Variants in LINGO2 observed in about 807,000 individuals in gnomAD.
The protein encoded by LINGO2 is leucine rich repeat and Ig domain containing 2.
LINGO2 carries 14 observed loss-of-function variants against 30.6 expected under a neutral mutation model. That is an observed-to-expected ratio of 0.46 (90% CI 0.30 to 0.72). The LOEUF is 0.72. Among genes scored for constraint, LINGO2 ranks in the 30% least tolerant of loss-of-function variants. LINGO2 has a pLI of 0.07. For synonymous variants in LINGO2, 317 were observed against 288.5 expected (o/e 1.10, Z -1.00); for missense variants, 729 against 751.7 (o/e 0.97, Z 0.35).
chr9:28,487,805 C>T (rs140253733), intron 1 of LINGO2, among the ~76,000 whole-genome samples: 130 of 152,208 alleles, frequency 8.5e-4, no homozygotes, highest in African/African-American at 3.0e-3. Flanking sequence ...AACCGAAACT[C>T]ATTAATTAGA....
intron 4 of LINGO2, among the ~76,000 whole-genome samples, chr9:28,289,342 T>C (rs369123432): frequency 6.6e-6 from 1 of 152,336 alleles, no homozygotes; most frequent in East Asian, 1.9e-4. Context: ...AGAGGACACT[T>C]CTAAATCATA....
chr9:29,147,503 A>G, the LINGO2 span, among the ~76,000 whole-genome samples: 3 of 152,128 alleles, frequency 2.0e-5, no homozygotes, highest in African/African-American at 7.2e-5. Flanking sequence ...GCCTCACAAA[A>G]AGCAATGAGC....
At position 28,627,351 on chromosome 9, in the gene LINGO2, T is replaced by A. The variant is rs188646512; in HGVS notation, c.-365+42849A>T. On this transcript the variant is annotated intron_variant, in intron 1 of 5. Coordinates refer to ENST00000379992, the Ensembl canonical transcript of LINGO2. ...AAATAATATTGTATAGAATTCTCCA[T>A]AGTTTACTTTCTGGCAACAAAGTCC... Among the ~76,000 whole-genome samples, 274 of 152,184 alleles carry A rather than the reference T, an allele frequency of 1.8e-3. 3 individuals carry two copies. Among genetic ancestry groups the A allele is most frequent in the African/African-American group, 5.8e-3 (241 of 41,556 alleles).
intron 4 of LINGO2, among the ~76,000 whole-genome samples, chr9:28,047,263 T>C (rs535406556): frequency 6.6e-6 from 1 of 152,204 alleles, no homozygotes; most frequent in East Asian, 1.9e-4. Flanking sequence ...ATCTGACTCT[T>C]TGGTCGGAGC....
chr9:28,881,653 T>C, the LINGO2 span, among the ~76,000 whole-genome samples: 1 of 152,118 alleles, frequency 6.6e-6, no homozygotes, highest in Non-Finnish European at 1.5e-5. Context: ...CAACTTTTAT[T>C]TTAAGTTCAG....
chr9:28,230,412 T>G (rs1821316496), intron 4 of LINGO2, among the ~76,000 whole-genome samples: 1 of 151,862 alleles, frequency 6.6e-6, no homozygotes, highest in Non-Finnish European at 1.5e-5. Flanking sequence ...ATATCAGGTT[T>G]GTTTTTGAGG....
At chr9:28,675,258 T>G (rs1161210296), upstream of LINGO2, among the ~76,000 whole-genome samples, 1 of 152,186 alleles carries the variant, frequency 6.6e-6, no homozygotes, top group Non-Finnish European at 1.5e-5. Flanking sequence ...CTTTAAAGTT[T>G]CAAAACTGAA....
chr9:29,051,568 T>C, the LINGO2 span, among the ~76,000 whole-genome samples: 69 of 152,328 alleles, frequency 4.5e-4, no homozygotes, highest in South Asian at 9.1e-3. Flanking sequence ...TGTTCCCTAA[T>C]GTCCAGACTT....
At chr9:28,851,444 T>C in the LINGO2 span, among the ~76,000 whole-genome samples, 1 of 152,096 alleles carries the variant, frequency 6.6e-6, no homozygotes, top group Non-Finnish European at 1.5e-5. Flanking sequence ...ATATTGGGTC[T>C]ACCCAGGTAA....
chr9:28,959,622 A>T, the LINGO2 span, among the ~76,000 whole-genome samples: 4 of 147,946 alleles, frequency 2.7e-5, no homozygotes, highest in Non-Finnish European at 4.4e-5. Context: ...TCACACACAC[A>T]CACACACACA....
the LINGO2 span, among the ~76,000 whole-genome samples, chr9:29,111,981 A>G: frequency 1.0e-5 from 1 of 96,218 alleles, no homozygotes; most frequent in East Asian, 2.9e-4. Context: ...TGTTAATGTA[A>G]CTTAATATTA....
the LINGO2 span, among the ~76,000 whole-genome samples, chr9:28,732,501 A>T: frequency 6.6e-6 from 1 of 152,162 alleles, no homozygotes; most frequent in African/African-American, 2.4e-5. Flanking sequence ...ATGGTAGAAA[A>T]TAGAATACGA....
At chr9:28,164,142 A>G (rs963537484) in intron 4 of LINGO2, among the ~76,000 whole-genome samples, 2 of 152,184 alleles carry the variant, frequency 1.3e-5, no homozygotes, top group African/African-American at 4.8e-5. Flanking sequence ...ACAATTTTTA[A>G]GAAGTGTCTG....
At chr9:28,773,745 G>C in the LINGO2 span, among the ~76,000 whole-genome samples, 1 of 152,158 alleles carries the variant, frequency 6.6e-6, no homozygotes, top group Non-Finnish European at 1.5e-5. Flanking sequence ...ATTAGATGTG[G>C]AGAGCAGGCT....
chr9:28,577,315 A>G (rs1291558571), intron 1 of LINGO2, among the ~76,000 whole-genome samples: 1 of 152,054 alleles, frequency 6.6e-6, no homozygotes, highest in Admixed American at 6.6e-5. Context: ...AGACTTTTGC[A>G]TTTCTGAAAC....
At chr9:28,692,051 C>G in the LINGO2 span, among the ~76,000 whole-genome samples, 1 of 152,076 alleles carries the variant, frequency 6.6e-6, no homozygotes, top group African/African-American at 2.4e-5. Context: ...TGGTTTGATT[C>G]TAGGATGGAA....
At chr9:28,395,404 T>C (rs564953378) in intron 2 of LINGO2, among the ~76,000 whole-genome samples, 1 of 152,318 alleles carries the variant, frequency 6.6e-6, no homozygotes, top group Non-Finnish European at 1.5e-5. Context: ...TGCTCACATA[T>C]TAGAAGTTTA....
the LINGO2 span, among the ~76,000 whole-genome samples, chr9:28,949,428 AT>A: frequency 6.6e-6 from 1 of 152,186 alleles, no homozygotes; most frequent in African/African-American, 2.4e-5. Flanking sequence ...TAAAGGGGAT[AT>A]CACCACTGAT....
intron 4 of LINGO2, among the ~76,000 whole-genome samples, chr9:28,186,656 C>A (rs1205620116): frequency 2.6e-5 from 4 of 151,938 alleles, no homozygotes; most frequent in Admixed American, 2.6e-4. Context: ...AGTTAAGAAT[C>A]AAAAAATGTG....
Sources: allele counts gnomAD v4.1 joint callset (sites outside exome capture counted in the v4.1 genomes callset), GRCh38; gene constraint gnomAD v4.1.1; transcripts MANE v1.5; gene names NCBI Gene and HGNC (gene_info 2026-07-23, HGNC 2026-07-21).